The following STK38L variants were observed in gnomAD, a reference collection of about 807,000 sequenced individuals.
STK38L encodes serine/threonine kinase 38 like, also known as serine/threonine-protein kinase 38-like.
In STK38L, 28 loss-of-function variants were observed where a neutral mutation model predicts 59.7. The ratio of observed to expected loss-of-function variants is 0.47; its 90% CI spans 0.35 to 0.64. STK38L has a LOEUF of 0.64. STK38L is among the 30% of genes least tolerant of loss of function. STK38L has a pLI of 0.01. For missense variants in STK38L, 314 were observed against 555.8 expected (o/e 0.56, Z 4.37); for synonymous variants, 162 against 176.8 (o/e 0.92, Z 0.66).
chr12:27,285,429 A>G (rs1434816244), intron 1 of STK38L, among the ~76,000 whole-genome samples: 2 of 152,058 alleles, frequency 1.3e-5, no homozygotes, highest in African/African-American at 4.8e-5. Context: ...CTATTTTTCA[A>G]GTTTTGTTGT....
chr12:27,247,368 T>A (rs749834946), intron 1 of STK38L, among the ~76,000 whole-genome samples: 22 of 152,372 alleles, frequency 1.4e-4, no homozygotes, highest in Non-Finnish European at 2.8e-4. Context: ...TTCATGATGG[T>A]CTTCCTCAGA....
At chr12:27,304,825 T>C (rs1944268354) in intron 3 of STK38L, among the ~76,000 whole-genome samples, 1 of 152,082 alleles carries the variant, frequency 6.6e-6, no homozygotes, top group African/African-American at 2.4e-5. Flanking sequence ...GTTGGTTTCA[T>C]AGTGGCATCT....
intron 1 of STK38L, among the ~76,000 whole-genome samples, chr12:27,273,053 TC>T (rs1943457834): frequency 6.6e-6 from 1 of 152,066 alleles, no homozygotes; most frequent in Non-Finnish European, 1.5e-5. Flanking sequence ...CTGATTTTTT[TC>T]TTTTTTTTTT....
At chr12:27,306,714 A>AACACACACACACACACAC (rs10553623) in intron 3 of STK38L, among the ~76,000 whole-genome samples, 3,423 of 139,142 alleles carry the variant, frequency 0.025, 81 homozygotes, top group Admixed American at 0.041. Flanking sequence ...GAATTTTATA[A>AACACACACACACACACAC]ACACACACAC....
At chr12:27,297,676 C>A in intron 1 of STK38L, 34 bp from the exon 2 acceptor site, 1 of 1,566,632 alleles carries the variant, frequency 6.4e-7, no homozygotes, top group Non-Finnish European at 8.6e-7. Context: ...GTTTTTTTTC[C>A]CACTGAATAA....
chr12:27,306,230 G>A (rs902852978), intron 3 of STK38L, among the ~76,000 whole-genome samples: 16 of 152,108 alleles, frequency 1.1e-4, no homozygotes, highest in Non-Finnish European at 1.5e-5. Flanking sequence ...ACTGTGTATA[G>A]TGATGTCATC....
rs73083096 is a variant in STK38L, at chr12:27,291,640, A to C, written c.-11-6070A>C. ...TTCACCTATGAATTTCTTGCATTTT[A>C]GACTGTGCCTCAGAGAGGAAAGAAG... On this transcript the variant is annotated intron_variant, in intron 1 of 13. Coordinates refer to ENST00000389032, the MANE Select transcript of STK38L (RefSeq NM_015000.4). Among the ~76,000 whole-genome samples the C allele has an allele frequency of 8.8e-3, 1,341 of 152,326 alleles. 19 individuals carry two copies. The highest frequency in any genetic ancestry group is 0.027 in the Middle Eastern group (8 of 294).
intron 1 of STK38L, among the ~76,000 whole-genome samples, chr12:27,268,937 A>G (rs1943359385): frequency 6.6e-6 from 1 of 152,156 alleles, no homozygotes; most frequent in African/African-American, 2.4e-5. Flanking sequence ...GTGTCTGTTC[A>G]TATCCTTCGC....
In STK38L at chr12:27,244,949, T is replaced by C. The variant is rs1295816424; in HGVS notation, c.-12+617T>C. 3.3e-5 allele frequency among the ~76,000 whole-genome samples: 5 copies of C among 152,190 alleles called. No homozygotes were observed. In the South Asian group the frequency reaches 1.0e-3, roughly 32 times the overall value. On this transcript the variant is annotated intron_variant, in intron 1 of 13. Transcript: ENST00000389032. ...TTTCTCCCACTCCTTTTTTCACCTTTAGTATCGAGGTCGAACGAGTGGTTA... is the reference window on the plus strand; with the variant it reads ...TTTCTCCCACTCCTTTTTTCACCTTCAGTATCGAGGTCGAACGAGTGGTTA...
chr12:27,247,976 G>A (rs373753770), intron 1 of STK38L, among the ~76,000 whole-genome samples: 1 of 151,030 alleles, frequency 6.6e-6, no homozygotes, highest in African/African-American at 2.4e-5. Context: ...AAGCACGCCC[G>A]ACTGATTTTT....
chr12:27,323,577 C>T lies in STK38L; in HGVS notation c.*1122C>T, dbSNP rs1944779575. On this transcript the variant is annotated 3_prime_UTR_variant, in exon 14 of 14. Coordinates refer to ENST00000389032, the MANE Select transcript of STK38L (RefSeq NM_015000.4). Reference sequence around the variant, plus strand: ...TCTTGAACAGAGTGGATGTTCACAACTGAGTAGAATTTTCCTTTCCTGTGG... The same window carrying T: ...TCTTGAACAGAGTGGATGTTCACAATTGAGTAGAATTTTCCTTTCCTGTGG... 1 of 152,556 alleles carries T rather than the reference C, an allele frequency of 6.6e-6. No homozygotes were observed. The highest frequency in any genetic ancestry group is 2.1e-4 in the South Asian group (1 of 4,832). 9.5% of individuals were successfully genotyped at this position (152,556 alleles called of 1,614,324 possible).
Position 27,308,520 on chromosome 12 carries a change from A to G in STK38L, c.309+59A>G. 3 of 1,417,820 alleles carry G rather than the reference A, an allele frequency of 2.1e-6. No homozygotes were observed. Among genetic ancestry groups the G allele is most frequent in the Non-Finnish European group, 2.8e-6 (3 of 1,073,820 alleles). The allele number at this position is 1,417,820 out of a possible 1,614,324, so 87.8% of individuals were successfully genotyped here. On this transcript the variant is annotated intron_variant, in intron 4 of 13. Transcript: ENST00000389032. The surrounding 1 kb of genome is among the most constrained non-coding windows in gnomAD (Gnocchi z 4.5). Reference sequence around the variant, plus strand: ...AATATATATCTTAAGATAATTTAAAATATGTGTTAAAATATAATTCCTGGC... The same window carrying G: ...AATATATATCTTAAGATAATTTAAAGTATGTGTTAAAATATAATTCCTGGC...
intron 1 of STK38L, among the ~76,000 whole-genome samples, chr12:27,263,488 C>G (rs1405779997): frequency 6.6e-6 from 1 of 152,106 alleles, no homozygotes; most frequent in Non-Finnish European, 1.5e-5. Flanking sequence ...CTTTGAGGAC[C>G]CCAGTGATGA....
chr12:27,318,564 C>T (rs1458999429), intron 11 of STK38L, among the ~76,000 whole-genome samples: 2 of 151,986 alleles, frequency 1.3e-5, no homozygotes, highest in African/African-American at 4.8e-5. Context: ...TAATCAGATA[C>T]GTATAAAGAT....
intron 2 of STK38L, chr12:27,300,690 CA>C (rs533190230): frequency 4.5e-6 from 2 of 445,018 alleles, no homozygotes; most frequent in South Asian, 1.6e-5. Flanking sequence ...AAACAAAAGA[CA>C]AAAATCAGTG....
At chr12:27,286,245 C>T (rs1318643372) in intron 1 of STK38L, among the ~76,000 whole-genome samples, 1 of 152,142 alleles carries the variant, frequency 6.6e-6, no homozygotes, top group African/African-American at 2.4e-5. Context: ...ACTTGATTCC[C>T]CTTTACCCCT....
At chr12:27,259,182 A>G (rs1296539629) in intron 1 of STK38L, among the ~76,000 whole-genome samples, 2 of 152,218 alleles carry the variant, frequency 1.3e-5, no homozygotes, top group Non-Finnish European at 2.9e-5. Flanking sequence ...TGAATGATAA[A>G]CACAGAGTTA....
intron 1 of STK38L, among the ~76,000 whole-genome samples, chr12:27,286,081 C>T (rs531512401): frequency 6.6e-6 from 1 of 152,098 alleles, no homozygotes; most frequent in Non-Finnish European, 1.5e-5. Context: ...TTATTATTCT[C>T]TGATTTGTCT....
chr12:27,322,311 A>AT lies in STK38L; in HGVS notation c.1268-11dup, dbSNP rs1473183125. The AT allele has an allele frequency of 1.2e-6, 2 of 1,613,060 alleles. No homozygotes were observed. The highest frequency in any genetic ancestry group is 8.5e-7 in the Non-Finnish European group (1 of 1,179,750). On this transcript the variant is annotated splice_polypyrimidine_tract_variant and intron_variant, in intron 13 of 13. Transcript: ENST00000389032. ...GGCATTTCACTAATGAAATTCCTTT[A>AT]TTTTTTCTCTTTCTAGTGCCAAATA...
Sources: allele counts gnomAD v4.1 joint callset (sites outside exome capture counted in the v4.1 genomes callset), GRCh38; gene constraint gnomAD v4.1.1; non-coding constraint Gnocchi (gnomAD v3.1); transcripts MANE v1.5; gene names NCBI Gene and HGNC (gene_info 2026-07-23, HGNC 2026-07-21).